VPS13C: variants seen among roughly 807,000 people sequenced by gnomAD.
VPS13C encodes the protein vacuolar protein sorting 13 homolog C.
A neutral mutation model predicts 456.8 loss-of-function variants in VPS13C; 358 were observed. That is an observed-to-expected ratio of 0.78 (90% CI 0.72 to 0.86). VPS13C has a LOEUF of 0.86. Ranked by LOEUF, VPS13C falls within the 40% of genes least tolerant of loss-of-function variation. The pLI, the probability that VPS13C is intolerant of heterozygous loss-of-function variation, is 0.00. For synonymous variants in VPS13C, 1,578 were observed against 1,486.7 expected (o/e 1.06, Z -1.41); for missense variants, 4,818 against 4,385.4 (o/e 1.10, Z -2.79).
chr15:61,913,986 A>AG (rs1183481508), intron 61 of VPS13C, among the ~76,000 whole-genome samples: 1 of 152,198 alleles, frequency 6.6e-6, no homozygotes, highest in Non-Finnish European at 1.5e-5. Context: ...TATAGAGGTG[A>AG]GAGGATAAAT....
rs760415254 is a variant in VPS13C, at chr15:61,936,636, TC to T, written c.5715del (p.Arg1906GlufsTer25). 1.9e-6 allele frequency: 3 copies of T among 1,587,052 alleles called. No individual in the cohort carries two copies. Among genetic ancestry groups the T allele is most frequent in the Non-Finnish European group, 1.7e-6 (2 of 1,170,104 alleles). On this transcript the variant is annotated frameshift_variant, in exon 48 of 85. Coordinates refer to ENST00000644861, the MANE Select transcript of VPS13C (RefSeq NM_020821.3). LOFTEE classifies it high-confidence loss of function. The part of the protein sequence containing the change: ...PTQSVQETVR[V>X]RKVDVSSVPD... ...GGTACACTTGAAACATCAACTTTTC[TC>T]ACTCTTACAGTCTCCTGCACAGACT...
At chr15:61,922,889 A>G (rs895279133) in intron 53 of VPS13C, 127 bp from the exon 54 acceptor site, 6 of 793,910 alleles carry the variant, frequency 7.6e-6, no homozygotes, top group Non-Finnish European at 1.0e-5. Flanking sequence ...TTAATTTTAA[A>G]TTAAAGTAAC....
chr15:61,948,267 GA>G (rs1454915465), intron 42 of VPS13C, among the ~76,000 whole-genome samples: 2 of 152,104 alleles, frequency 1.3e-5, no homozygotes, highest in African/African-American at 4.8e-5. Flanking sequence ...TAATATAAAG[GA>G]GAGGAATTTC....
chr15:61,973,592 A>G, intron 25 of VPS13C, 60 bp from the exon 26 acceptor site: 1 of 1,258,312 alleles, frequency 7.9e-7, no homozygotes, highest in Admixed American at 1.7e-5. Flanking sequence ...TAAATGTCAT[A>G]AATGAGAGGA....
intron 6 of VPS13C, among the ~76,000 whole-genome samples, chr15:62,024,833 C>A (rs2047580382): frequency 6.6e-6 from 1 of 152,072 alleles, no homozygotes; most frequent in Non-Finnish European, 1.5e-5. Context: ...ACAAGCCATA[C>A]TTTCTAATGC....
At position 61,856,316 on chromosome 15, in the gene VPS13C, G is replaced by A. The variant is rs765854533; in HGVS notation, c.11046C>T (p.Val3682=). Residue 3682 remains valine, a synonymous_variant, in exon 83 of 85, where the codon GTC becomes GTT. Coordinates refer to ENST00000644861, the MANE Select transcript of VPS13C (RefSeq NM_020821.3). ...PFEDFVFPPS[V]SENVLKISVK... is the part of the protein sequence containing the mutation. ...CTGAAATTTTTAGCACATTTTCACT[G>A]ACACTAGGAGGAAATACAAAATCTT... The A allele has an allele frequency of 3.2e-5, 51 of 1,613,114 alleles. No homozygotes were observed. The East Asian group carries it at 1.1e-3, about 35-fold the overall frequency.
chr15:61,928,945 G>GA (rs530652948), intron 51 of VPS13C, among the ~76,000 whole-genome samples: 5 of 150,588 alleles, frequency 3.3e-5, no homozygotes, highest in African/African-American at 1.2e-4. Context: ...GAAAAGGAAA[G>GA]AAAAAAAAGG....
chr15:62,004,028 G>C (rs2046736408), intron 15 of VPS13C, among the ~76,000 whole-genome samples: 1 of 152,172 alleles, frequency 6.6e-6, no homozygotes. Context: ...GATGATGCTG[G>C]ACTCATAAAA....
chr15:62,003,543 C>T (rs1596462092), intron 15 of VPS13C, among the ~76,000 whole-genome samples: 1 of 152,142 alleles, frequency 6.6e-6, no homozygotes, highest in South Asian at 2.1e-4. Context: ...CTGGCCAGAA[C>T]TTCCAACACT....
chr15:61,996,099 A>G (rs796937254), intron 16 of VPS13C, among the ~76,000 whole-genome samples: 81 of 152,194 alleles, frequency 5.3e-4, no homozygotes, highest in African/African-American at 1.9e-3. Flanking sequence ...GGAGAAGGGG[A>G]TATCTCTTAA....
At chr15:61,948,732 G>T (rs1370290826) in intron 42 of VPS13C, among the ~76,000 whole-genome samples, 1 of 151,362 alleles carries the variant, frequency 6.6e-6, no homozygotes, top group Admixed American at 6.6e-5. Context: ...TAACAGTACT[G>T]ACAGTTTTAC....
At chr15:61,947,941 G>A (rs924502445) in intron 42 of VPS13C, among the ~76,000 whole-genome samples, 4 of 152,062 alleles carry the variant, frequency 2.6e-5, no homozygotes, top group East Asian at 1.9e-4. Context: ...TCAAACTAGC[G>A]CCCTAAATCC....
chr15:61,884,423 G>A (rs893466259), intron 67 of VPS13C, among the ~76,000 whole-genome samples, 154 bp from the exon 68 acceptor site: 1 of 152,036 alleles, frequency 6.6e-6, no homozygotes, highest in African/African-American at 2.4e-5. Context: ...TGTGTTGCAA[G>A]AGTACAAAAA....
intron 1 of VPS13C, among the ~76,000 whole-genome samples, chr15:62,049,674 A>T (rs1319137738): frequency 2.0e-5 from 3 of 152,106 alleles, no homozygotes; most frequent in Non-Finnish European, 2.9e-5. Context: ...TGGCATTGAA[A>T]CTATAAATTA....
At chr15:61,926,085 G>C (rs1239576494) in intron 52 of VPS13C, among the ~76,000 whole-genome samples, 1 of 152,070 alleles carries the variant, frequency 6.6e-6, no homozygotes, top group Non-Finnish European at 1.5e-5. Context: ...AATTAGTACG[G>C]CATAATTGTC....
chr15:62,017,566 C>T (rs1248458307), intron 9 of VPS13C, among the ~76,000 whole-genome samples: 10 of 152,032 alleles, frequency 6.6e-5, no homozygotes, highest in South Asian at 6.3e-4. Flanking sequence ...TGCTTGTTTT[C>T]GTCAGGTTTG....
chr15:61,905,164 G>C (rs933600199), intron 66 of VPS13C, among the ~76,000 whole-genome samples: 3 of 152,066 alleles, frequency 2.0e-5, no homozygotes, highest in Non-Finnish European at 2.9e-5. Flanking sequence ...AAATGTTTCA[G>C]GTGATACGCC....
chr15:62,024,714 T>C (rs1228048697), intron 6 of VPS13C, among the ~76,000 whole-genome samples: 2 of 152,142 alleles, frequency 1.3e-5, no homozygotes, highest in African/African-American at 4.8e-5. Flanking sequence ...AAAATGTGTT[T>C]ACACAATAAA....
chr15:61,971,893 A>G (rs980673211), intron 27 of VPS13C, among the ~76,000 whole-genome samples: 2 of 152,332 alleles, frequency 1.3e-5, no homozygotes, highest in Non-Finnish European at 2.9e-5. Context: ...ATATTTTAGG[A>G]CATGCTCTCA....
Sources: gnomAD v4.1 joint callset for allele counts (sites outside exome capture counted in the v4.1 genomes callset) on GRCh38, gnomAD v4.1.1 for gene constraint, MANE v1.5 for transcripts, NCBI Gene and HGNC (gene_info 2026-07-23, HGNC 2026-07-21) for gene names.